Variants in FNDC3B observed in about 807,000 individuals in gnomAD.
FNDC3B encodes fibronectin type III domain-containing protein 3B.
A neutral mutation model predicts 151.5 loss-of-function variants in FNDC3B; 12 were observed. That is an observed-to-expected ratio of 0.08 (90% CI 0.05 to 0.13). The LOEUF is 0.13. Ranked by LOEUF, FNDC3B falls within the 10% of genes least tolerant of loss-of-function variation. The pLI, the probability that FNDC3B is intolerant of heterozygous loss-of-function variation, is 1.00. For missense variants in FNDC3B, 1,214 were observed against 1,505.3 expected, an observed-to-expected ratio of 0.81 and a Z score of 3.20; for synonymous variants, 528 against 549.0, an observed-to-expected ratio of 0.96 and a Z score of 0.54.
intron 4 of FNDC3B, among the ~76,000 whole-genome samples, chr3:172,236,627 A>T: frequency 6.6e-6 from 1 of 152,134 alleles, no homozygotes; most frequent in Non-Finnish European, 1.5e-5. Flanking sequence ...GGTTCTCTGC[A>T]GTATCTGGAG....
intron 6 of FNDC3B, among the ~76,000 whole-genome samples, chr3:172,280,008 G>A (rs772749562): frequency 4.6e-5 from 7 of 152,062 alleles, no homozygotes; most frequent in African/African-American, 1.7e-4. Flanking sequence ...TCAACTCCTC[G>A]GGTTCTAGCG....
intron 2 of FNDC3B, among the ~76,000 whole-genome samples, chr3:172,114,574 C>T (rs1720147891): frequency 6.6e-6 from 1 of 152,104 alleles, no homozygotes; most frequent in Admixed American, 6.5e-5. Flanking sequence ...AGCTGCTTAA[C>T]AATTTTGGTT....
intron 1 of FNDC3B, among the ~76,000 whole-genome samples, chr3:172,055,628 G>T (rs1716877014): frequency 6.6e-6 from 1 of 152,060 alleles, no homozygotes; most frequent in Non-Finnish European, 1.5e-5. Flanking sequence ...GTGATTTTGG[G>T]TCTGAAGTGT....
chr3:172,255,141 T>G (rs530131116), intron 6 of FNDC3B, among the ~76,000 whole-genome samples: 28 of 152,280 alleles, frequency 1.8e-4, no homozygotes, highest in African/African-American at 6.7e-4. Flanking sequence ...TCATGCTCCA[T>G]TCCCCTCACC....
At chr3:172,273,501 C>T (rs1322254222) in intron 6 of FNDC3B, among the ~76,000 whole-genome samples, 1 of 152,218 alleles carries the variant, frequency 6.6e-6, no homozygotes, top group African/African-American at 2.4e-5. Flanking sequence ...GGGCCTTATA[C>T]ATGCACAGAG....
Position 172,044,912 on chromosome 3 carries a change from A to G in FNDC3B, c.-29+5141A>G, listed in dbSNP as rs148790329. Reference sequence around the variant, plus strand: ...CTGAGCATCAGTTTGAAATCAGAATATCTCCTCTGTCAAGGAGTGACTTTA... The same window carrying G: ...CTGAGCATCAGTTTGAAATCAGAATGTCTCCTCTGTCAAGGAGTGACTTTA... On this transcript the variant is annotated intron_variant, in intron 1 of 25. Transcript: ENST00000415807. 2.7e-3 allele frequency among the ~76,000 whole-genome samples: 404 copies of G among 152,318 alleles called. 2 individuals are homozygous for G. The highest frequency in any genetic ancestry group is 9.0e-3 in the African/African-American group (374 of 41,564).
chr3:172,181,271 G>A (rs1723875589), intron 3 of FNDC3B, among the ~76,000 whole-genome samples: 1 of 150,814 alleles, frequency 6.6e-6, no homozygotes, highest in Admixed American at 6.6e-5. Flanking sequence ...GTGGTGGCGT[G>A]TGGTCCCAGC....
rs559682569 is a variant in FNDC3B, at chr3:172,385,211, CAAGGAT to C, written c.3303+4121_3303+4126del. 1.8e-4 allele frequency among the ~76,000 whole-genome samples: 27 copies of C among 152,148 alleles called. No individual in the cohort carries two copies. The East Asian group carries it at 4.6e-3, about 26-fold the overall frequency. ...AACAATGGTTAAAATAATTATAGTT[CAAGGAT>C]AACAGGCAACAGGCTTTGAATTCAT... On this transcript the variant is annotated intron_variant, in intron 25 of 25. Transcript: ENST00000415807.
At chr3:172,045,086 G>A (rs1364714010) in intron 1 of FNDC3B, among the ~76,000 whole-genome samples, 1 of 152,188 alleles carries the variant, frequency 6.6e-6, no homozygotes, top group East Asian at 1.9e-4. Context: ...GTTTGGCAAA[G>A]CCTTATACAA....
At chr3:172,045,263 T>C (rs1716303574) in intron 1 of FNDC3B, among the ~76,000 whole-genome samples, 1 of 152,222 alleles carries the variant, frequency 6.6e-6, no homozygotes, top group Admixed American at 6.5e-5. Context: ...TGTATTTTAT[T>C]TTACCCCACT....
chr3:172,156,462 G>T (rs989279433), intron 3 of FNDC3B, among the ~76,000 whole-genome samples: 1 of 152,224 alleles, frequency 6.6e-6, no homozygotes, highest in African/African-American at 2.4e-5. Flanking sequence ...GCAGGTTGCT[G>T]CCTGAAGGCT....
At chr3:172,098,382 CATG>C (rs1719194312) in intron 1 of FNDC3B, among the ~76,000 whole-genome samples, 1 of 152,184 alleles carries the variant, frequency 6.6e-6, no homozygotes, top group African/African-American at 2.4e-5. Context: ...TCATTGTTAA[CATG>C]ATACTACTGA....
intron 2 of FNDC3B, chr3:172,127,165 G>A: frequency 2.3e-6 from 1 of 439,068 alleles, no homozygotes; most frequent in South Asian, 1.6e-5. Flanking sequence ...ACTTGTTACT[G>A]GTAGGAATTT....
Position 172,352,317 on chromosome 3 carries a change from A to C in FNDC3B, c.2515-486A>C, listed in dbSNP as rs1733894149. 6.6e-6 allele frequency among the ~76,000 whole-genome samples: 1 copy of C among 152,152 alleles called. No individual in the cohort carries two copies. The highest frequency in any genetic ancestry group is 2.4e-5 in the African/African-American group (1 of 41,440). ...AGGGATGAGTTTATTATTCATGTGG[A>C]AGATAGAAGATGCCTTTTCCTATTG... On this transcript the variant is annotated intron_variant, in intron 21 of 25. Transcript: ENST00000415807. This position sits in a 1 kb window ranked among gnomAD's most constrained non-coding sequence, Gnocchi z 4.2.
intron 2 of FNDC3B, among the ~76,000 whole-genome samples, chr3:172,122,610 C>T (rs1720608335): frequency 6.6e-6 from 1 of 152,204 alleles, no homozygotes; most frequent in African/African-American, 2.4e-5. Context: ...ACCATCAGAT[C>T]AGATCATCTG....
chr3:172,369,770 T>C (rs1315141267), intron 23 of FNDC3B, among the ~76,000 whole-genome samples: 1 of 152,196 alleles, frequency 6.6e-6, no homozygotes, highest in Non-Finnish European at 1.5e-5. Context: ...TGTCCCCACA[T>C]GATGCCATCT....
intron 3 of FNDC3B, among the ~76,000 whole-genome samples, chr3:172,178,859 AC>A (rs1477213525): frequency 6.6e-6 from 1 of 151,980 alleles, no homozygotes; most frequent in Non-Finnish European, 1.5e-5. Flanking sequence ...CTTCCACACT[AC>A]CCCCTTCAGC....
At chr3:172,350,158 G>A (rs933172645) in intron 21 of FNDC3B, among the ~76,000 whole-genome samples, 9 of 152,216 alleles carry the variant, frequency 5.9e-5, no homozygotes, top group African/African-American at 1.9e-4. Context: ...CCAGTGGGAA[G>A]GAAGAAAGTG....
intron 6 of FNDC3B, among the ~76,000 whole-genome samples, chr3:172,254,222 T>C (rs1246677535): frequency 6.6e-6 from 1 of 152,206 alleles, no homozygotes; most frequent in East Asian, 1.9e-4. Flanking sequence ...ATTAAAAAGA[T>C]GCGGATACCT....
Sources: gnomAD v4.1 joint callset for allele counts (sites outside exome capture counted in the v4.1 genomes callset) on GRCh38, gnomAD v4.1.1 for gene constraint, Gnocchi (gnomAD v3.1) non-coding constraint, MANE v1.5 for transcripts, NCBI Gene and HGNC (gene_info 2026-07-23, HGNC 2026-07-21) for gene names.